The following SLC7A9 variants were observed in gnomAD, a reference collection of about 807,000 sequenced individuals.
SLC7A9 encodes the protein B(0,+)-type amino acid transporter 1.
Under a neutral mutation model 54.1 loss-of-function variants are expected in SLC7A9, and 38 were observed. That is an observed-to-expected ratio of 0.70 (90% CI 0.54 to 0.92). The LOEUF (loss-of-function observed/expected upper bound fraction) is 0.92, where lower values mean the gene tolerates loss of function less well. Ranked by LOEUF, SLC7A9 falls within the 40% of genes least tolerant of loss-of-function variation. The probability of loss-of-function intolerance (pLI) is 0.00; values close to 1 mark genes in which losing one functional copy is unlikely to be tolerated. For synonymous variants in SLC7A9, 264 were observed against 258.9 expected (o/e 1.02, Z -0.19); for missense variants, 537 against 636.1 (o/e 0.84, Z 1.68).
intron 9 of SLC7A9, among the ~76,000 whole-genome samples, chr19:32,858,153 A>C (rs1430745151): frequency 3.3e-5 from 5 of 152,190 alleles, no homozygotes; most frequent in Non-Finnish European, 5.9e-5. Flanking sequence ...TCGCCTCAGC[A>C]TGGGCAGCTT....
intron 11 of SLC7A9, among the ~76,000 whole-genome samples, chr19:32,840,623 T>C (rs147745092): frequency 0.012 from 1,808 of 152,274 alleles, 18 homozygotes; most frequent in Middle Eastern, 0.027. Context: ...GACCCTGATA[T>C]TCTTGCCAAG....
At chr19:32,834,100 C>T (rs35700505) in intron 11 of SLC7A9, among the ~76,000 whole-genome samples, 25,735 of 151,928 alleles carry the variant, frequency 0.17, 2,288 homozygotes, top group East Asian at 0.2. Context: ...AGTTTCAACC[C>T]GTTGTAGTCA....
At chr19:32,842,047 G>A (rs1404741546) in intron 11 of SLC7A9, 121 bp downstream of exon 11, 8 of 967,904 alleles carry the variant, frequency 8.3e-6, no homozygotes, top group Middle Eastern at 2.1e-4. Flanking sequence ...TCTAAAATAC[G>A]ATATTTTAAA....
At chr19:32,863,112 T>G (rs533652630) in intron 4 of SLC7A9, 1 of 152,500 alleles carries the variant, frequency 6.6e-6, no homozygotes, top group South Asian at 2.1e-4. Context: ...AATTTTATTT[T>G]TATCTATTTA....
In SLC7A9 at chr19:32,858,627, A is replaced by G. The variant is rs1018219914; in HGVS notation, c.874-84T>C. The G allele has an allele frequency of 2.2e-5, 23 of 1,051,344 alleles. No homozygotes were observed. In the Admixed American group the frequency reaches 3.4e-4, roughly 15 times the overall value. The allele number at this position is 1,051,344 out of a possible 1,614,324, so 65.1% of individuals were successfully genotyped here. On this transcript the variant is annotated intron_variant, in intron 8 of 12. Coordinates refer to ENST00000023064, the MANE Select transcript of SLC7A9 (RefSeq NM_014270.5). The stretch of plus-strand genomic sequence containing the variant: ...CCCCCAAAAGCTATTCTGGCCTCCC[A>G]GGGGACCCAGGGACCCACCTCGCCT...
intron 4 of SLC7A9, 80 bp from the exon 5 acceptor site, chr19:32,862,666 T>TCA: frequency 7.6e-7 from 1 of 1,307,620 alleles, no homozygotes; most frequent in Non-Finnish European, 1.0e-6. Context: ...TATATATTTT[T>TCA]TATTTTTTTT....
At position 32,833,178 on chromosome 19, in the gene SLC7A9, T is replaced by C. The variant is rs763478661; in HGVS notation, c.1370A>G (p.Tyr457Cys). Residue 457 changes from tyrosine to cysteine, a missense_variant, in exon 12 of 13, where the codon TAC becomes TGC. By Grantham distance (194) the Tyr-to-Cys change is radical. Coordinates refer to ENST00000023064, the MANE Select transcript of SLC7A9 (RefSeq NM_014270.5). ...GATTTTCTGAGCCCATCCAAACTTG[T>C]AGTGGACAAACAGGAAGTAAAATAA... ...GLLFYFLFVH[Y>C]KFGWAQKISK... is the part of the protein sequence containing the mutation. 7 of 1,614,068 alleles carry C rather than the reference T, an allele frequency of 4.3e-6. No homozygotes were observed. In the Admixed American group the frequency reaches 1.2e-4, roughly 27 times the overall value.
At chr19:32,836,115 A>T (rs1239702506) in intron 11 of SLC7A9, among the ~76,000 whole-genome samples, 1 of 152,000 alleles carries the variant, frequency 6.6e-6, no homozygotes, top group East Asian at 1.9e-4. Context: ...GGGTTTCACC[A>T]TGTTGGCTAG....
At chr19:32,855,486 T>C (rs982340454) in intron 9 of SLC7A9, among the ~76,000 whole-genome samples, 2 of 151,978 alleles carry the variant, frequency 1.3e-5, no homozygotes, top group African/African-American at 4.8e-5. Flanking sequence ...GATCACGAGG[T>C]CAGGAGATCA....
intron 9 of SLC7A9, among the ~76,000 whole-genome samples, chr19:32,844,374 G>T (rs1015244338): frequency 6.6e-6 from 1 of 152,116 alleles, no homozygotes; most frequent in Non-Finnish European, 1.5e-5. Context: ...ATATTAATGT[G>T]AGCTCTAGCC....
Position 32,842,240 on chromosome 19 carries a change from C to G in SLC7A9, c.1152G>C (p.Leu384=). 1 of 1,614,064 alleles carries G rather than the reference C, an allele frequency of 6.2e-7. No homozygotes were observed. Among genetic ancestry groups the G allele is most frequent in the Non-Finnish European group, 8.5e-7 (1 of 1,179,952 alleles). ...LVNYFSFAAW[L]FYGLTILGLI... The stretch of plus-strand genomic sequence containing the variant: ...GTCCTAGAATCGTCAGGCCATAAAA[C>G]AGCCATGCGGCAAAGCTGAAATAAT... Residue 384 remains leucine (L), a synonymous_variant, in exon 11 of 13, where the codon CTG becomes CTC. Transcript: ENST00000023064.
chr19:32,846,860 C>T (rs990583201), intron 9 of SLC7A9, among the ~76,000 whole-genome samples: 4 of 152,214 alleles, frequency 2.6e-5, no homozygotes, highest in Admixed American at 2.6e-4. Context: ...TTGCAGGTCA[C>T]CAAAATCCGC....
At chr19:32,866,723 C>T (rs1968981821) in intron 2 of SLC7A9, among the ~76,000 whole-genome samples, 1 of 152,210 alleles carries the variant, frequency 6.6e-6, no homozygotes, top group South Asian at 2.1e-4. Flanking sequence ...AGCCCATCGT[C>T]TACCTCCTGG....
chr19:32,838,776 CATAT>C (rs905596483), intron 11 of SLC7A9, among the ~76,000 whole-genome samples: 51 of 147,102 alleles, frequency 3.5e-4, no homozygotes, highest in African/African-American at 1.2e-3. Flanking sequence ...CATATATGCA[CATAT>C]ATACATATAC....
intron 9 of SLC7A9, among the ~76,000 whole-genome samples, chr19:32,844,940 G>A (rs557307577): frequency 1.1e-4 from 16 of 147,600 alleles, no homozygotes; most frequent in South Asian, 6.5e-4. Context: ...CGAGGCAGGC[G>A]GATCATGAGA....
Position 32,864,148 on chromosome 19 carries a change from C to T in SLC7A9, c.426G>A (p.Val142=), listed in dbSNP as rs750142742. 8.7e-6 allele frequency: 14 copies of T among 1,614,066 alleles called. No individual in the cohort carries two copies. The highest frequency in any genetic ancestry group is 1.1e-5 in the Non-Finnish European group (13 of 1,180,024). Residue 142 remains valine (V), a synonymous_variant, in exon 4 of 13, where the codon GTG becomes GTA. Transcript: ENST00000023064. ...CAACGATTTGAGGAGGCTTGCAGCC[C>T]ACATAGAAGGGCGCACACACATACT... is the stretch of plus-strand genomic sequence containing the variant. ...FSEYVCAPFY[V]GCKPPQIVVK...
chr19:32,846,568 C>T (rs909755912), intron 9 of SLC7A9, among the ~76,000 whole-genome samples: 4 of 152,222 alleles, frequency 2.6e-5, no homozygotes, highest in African/African-American at 9.6e-5. Context: ...GCCTGCCTGC[C>T]TCTGTAGGCT....
At chr19:32,840,040 T>A (rs1968085675) in intron 11 of SLC7A9, among the ~76,000 whole-genome samples, 1 of 152,150 alleles carries the variant, frequency 6.6e-6, no homozygotes. Context: ...TGTATTAGAT[T>A]CCCCACCTTC....
intron 11 of SLC7A9, among the ~76,000 whole-genome samples, chr19:32,840,703 A>G: frequency 6.6e-6 from 1 of 151,948 alleles, no homozygotes; most frequent in East Asian, 1.9e-4. Context: ...TCCTTCTGGA[A>G]AGGAGTTTTT....
Sources: allele counts gnomAD v4.1 joint callset (sites outside exome capture counted in the v4.1 genomes callset), GRCh38; gene constraint gnomAD v4.1.1; transcripts MANE v1.5; gene names NCBI Gene and HGNC (gene_info 2026-07-23, HGNC 2026-07-21).